The following SCN9A variants were observed in gnomAD, a reference collection of about 807,000 sequenced individuals.
The protein encoded by SCN9A is sodium voltage-gated channel alpha subunit 9, also known as sodium channel protein type 9 subunit alpha.
Under a neutral mutation model 187.0 loss-of-function variants are expected in SCN9A, and 131 were observed. The observed-to-expected ratio is 0.70, with a 90% confidence interval of 0.61 to 0.81. The LOEUF (loss-of-function observed/expected upper bound fraction) is 0.81, where lower values mean the gene tolerates loss of function less well. SCN9A is among the 30% of genes least tolerant of loss of function. The probability of loss-of-function intolerance (pLI) is 0.00; values close to 1 mark genes in which losing one functional copy is unlikely to be tolerated. For missense variants in SCN9A, 2,252 were observed against 2,396.6 expected (o/e 0.94, Z 1.26); for synonymous variants, 809 against 808.6 (o/e 1.00, Z -0.01).
chr2:166,334,310 C>T (rs1005293412), intron 1 of SCN9A, among the ~76,000 whole-genome samples: 2 of 152,054 alleles, frequency 1.3e-5, no homozygotes, highest in African/African-American at 4.8e-5. Context: ...TTGACAATTT[C>T]TTTACTGGCA....
intron 16 of SCN9A, among the ~76,000 whole-genome samples, chr2:166,274,673 A>G (rs1697150316): frequency 6.6e-6 from 1 of 152,180 alleles, no homozygotes; most frequent in African/African-American, 2.4e-5. Flanking sequence ...TTTCTTTGCC[A>G]AGAATTAATA....
chr2:166,346,757 G>C (rs922156562), intron 1 of SCN9A, among the ~76,000 whole-genome samples: 1 of 152,142 alleles, frequency 6.6e-6, no homozygotes, highest in Admixed American at 6.6e-5. Context: ...TAAAGCGTGG[G>C]TTCAGGTGGG....
chr2:166,296,686 G>T (rs1698315335), intron 7 of SCN9A, among the ~76,000 whole-genome samples: 1 of 152,154 alleles, frequency 6.6e-6, no homozygotes. Flanking sequence ...ATTTAACACA[G>T]TATAAGAATG....
intron 1 of SCN9A, among the ~76,000 whole-genome samples, chr2:166,371,879 C>T (rs917669657): frequency 1.3e-5 from 2 of 152,082 alleles, no homozygotes; most frequent in African/African-American, 4.8e-5. Context: ...ATAATTTAGT[C>T]CTTCAAGATG....
chr2:166,297,510 C>T (rs1430967968), intron 7 of SCN9A, among the ~76,000 whole-genome samples: 5 of 151,936 alleles, frequency 3.3e-5, no homozygotes, highest in Admixed American at 3.3e-4. Flanking sequence ...AAGCCAGATA[C>T]AAAAAGCCAT....
At chr2:166,333,442 C>T (rs1366646099) in intron 1 of SCN9A, among the ~76,000 whole-genome samples, 1 of 152,054 alleles carries the variant, frequency 6.6e-6, no homozygotes, top group African/African-American at 2.4e-5. Flanking sequence ...ATAGTGGTCA[C>T]ATCCAAATTT....
chr2:166,270,070 C>G (rs574399530), intron 17 of SCN9A, among the ~76,000 whole-genome samples: 2 of 151,950 alleles, frequency 1.3e-5, no homozygotes, highest in Admixed American at 6.6e-5. Flanking sequence ...GAAATGAACA[C>G]GGTTTTAAAA....
chr2:166,311,330 C>CA (rs1491160674), intron 2 of SCN9A, among the ~76,000 whole-genome samples, 169 bp downstream of exon 2: 3 of 46,716 alleles, frequency 6.4e-5, no homozygotes, highest in Admixed American at 7.8e-4. Flanking sequence ...TCTGAATATC[C>CA]TATATATATA....
intron 6 of SCN9A, among the ~76,000 whole-genome samples, chr2:166,303,684 GAAAAAAT>G (rs1698656551): frequency 6.6e-6 from 1 of 151,986 alleles, no homozygotes; most frequent in Non-Finnish European, 1.5e-5. Context: ...GGTTTGCTGA[GAAAAAAT>G]AAAAAACAAT....
In SCN9A at chr2:166,225,502, G is replaced by A. The variant is rs578141108; in HGVS notation, c.4398+1065C>T. On this transcript the variant is annotated intron_variant, in intron 24 of 26. Transcript: ENST00000642356. ...TCTATCTAACCTTCATCACATACTCGATATATGACCTTGGGTAAGTCACTT... is the reference window on the plus strand; with the variant it reads ...TCTATCTAACCTTCATCACATACTCAATATATGACCTTGGGTAAGTCACTT... Among the ~76,000 whole-genome samples the A allele has an allele frequency of 1.4e-4, 21 of 152,162 alleles. No homozygotes were observed. In the South Asian group the frequency reaches 3.7e-3, roughly 27 times the overall value.
At chr2:166,349,811 A>G (rs1008402267) in intron 1 of SCN9A, among the ~76,000 whole-genome samples, 12 of 152,012 alleles carry the variant, frequency 7.9e-5, no homozygotes, top group Non-Finnish European at 2.9e-5. Flanking sequence ...TGTCTCTACT[A>G]AAAATACAAA....
At chr2:166,235,347 C>A (rs866121847) in intron 20 of SCN9A, among the ~76,000 whole-genome samples, 6 of 152,006 alleles carry the variant, frequency 3.9e-5, no homozygotes, top group Admixed American at 3.9e-4. Flanking sequence ...TAAACACACA[C>A]GTATATATAC....
chr2:166,363,815 C>G (rs1049992113), intron 1 of SCN9A, among the ~76,000 whole-genome samples: 1 of 151,746 alleles, frequency 6.6e-6, no homozygotes, highest in Non-Finnish European at 1.5e-5. Context: ...ACCAAAAGCA[C>G]GGTCAACAAA....
rs143836560 is a variant in SCN9A at position 166,219,405 on chromosome 2, T to C, written c.4398+7162A>G. Among the ~76,000 whole-genome samples the C allele has an allele frequency of 5.1e-4, 77 of 151,614 alleles. 1 individual carries two copies. In the East Asian group the frequency reaches 0.013, roughly 25 times the overall value. On this transcript the variant is annotated intron_variant, in intron 24 of 26. Coordinates refer to ENST00000642356, the MANE Select transcript of SCN9A (RefSeq NM_001365536.1). ...TGCAGCCATTCAAAAAAAAACGAGATCATATCCTTTGCAGGGACATGAATG... is the reference window on the plus strand; with the variant it reads ...TGCAGCCATTCAAAAAAAAACGAGACCATATCCTTTGCAGGGACATGAATG...
chr2:166,367,554 C>A (rs536155895), intron 1 of SCN9A, among the ~76,000 whole-genome samples: 1 of 152,152 alleles, frequency 6.6e-6, no homozygotes, highest in Non-Finnish European at 1.5e-5. Context: ...CGTAAGCCAC[C>A]GCGCCTGGCC....
At chr2:166,339,108 G>A (rs1574941951) in intron 1 of SCN9A, among the ~76,000 whole-genome samples, 1 of 152,190 alleles carries the variant, frequency 6.6e-6, no homozygotes, top group East Asian at 1.9e-4. Flanking sequence ...TCAGTGAGTA[G>A]TTTATCTGGT....
intron 18 of SCN9A, among the ~76,000 whole-genome samples, chr2:166,246,047 G>T (rs1243770677): frequency 1.3e-5 from 2 of 151,860 alleles, no homozygotes; most frequent in Non-Finnish European, 2.9e-5. Flanking sequence ...TATGTCTCTG[G>T]TGTTTTTGTT....
At chr2:166,227,593 T>A in intron 23 of SCN9A, 77 bp downstream of exon 23, 2 of 849,844 alleles carry the variant, frequency 2.4e-6, no homozygotes, top group South Asian at 2.9e-5. Context: ...CTTCATGAAG[T>A]TATAGTTTGG....
At chr2:166,324,152 G>C (rs1356726985) in intron 1 of SCN9A, among the ~76,000 whole-genome samples, 2 of 151,766 alleles carry the variant, frequency 1.3e-5, no homozygotes, top group Admixed American at 6.6e-5. Flanking sequence ...CAATTAGCCA[G>C]GTGTGGTGTG....
Sources: gnomAD v4.1 joint callset for allele counts (sites outside exome capture counted in the v4.1 genomes callset) on GRCh38, gnomAD v4.1.1 for gene constraint, MANE v1.5 for transcripts, NCBI Gene and HGNC (gene_info 2026-07-23, HGNC 2026-07-21) for gene names.